The following ANKFN1 variants were observed in gnomAD, a reference collection of about 807,000 sequenced individuals.
ANKFN1 encodes the protein ankyrin repeat and fibronectin type III domain containing 1, also known as ankyrin repeat and fibronectin type-III domain-containing protein 1.
In ANKFN1, 74 loss-of-function variants were observed where a neutral mutation model predicts 108.7. The observed-to-expected ratio is 0.68, with a 90% CI of 0.56 to 0.83. ANKFN1 has a LOEUF of 0.83. Ranked by LOEUF, ANKFN1 falls within the 40% of genes least tolerant of loss-of-function variation. The probability of loss-of-function intolerance (pLI) is 0.00; values close to 1 mark genes in which losing one functional copy is unlikely to be tolerated. For missense variants in ANKFN1, 1,505 were observed against 1,382.3 expected, an observed-to-expected ratio of 1.09 and a Z score of -1.41; for synonymous variants, 547 against 516.2, an observed-to-expected ratio of 1.06 and a Z score of -0.81.
At chr17:56,431,234 T>C (rs1332435424) in intron 8 of ANKFN1, among the ~76,000 whole-genome samples, 1 of 152,196 alleles carries the variant, frequency 6.6e-6, no homozygotes, top group African/African-American at 2.4e-5. Flanking sequence ...TTCCCAGTTA[T>C]GCCACTTGTT....
rs563078153 is a variant in ANKFN1, at chr17:56,081,774, G to C, written c.288+35449G>C. On this transcript the variant is annotated intron_variant, in intron 4 of 12. Transcript: ENST00000635860. ...CTGCTAGCATTTAGGAGGTAAGCAA[G>C]CACAGTGCGTTTAGGAGGTGAGCAA... 6.6e-5 allele frequency among the ~76,000 whole-genome samples: 10 copies of C among 152,286 alleles called. No individual in the cohort carries two copies. In the East Asian group the frequency reaches 1.9e-3, roughly 29 times the overall value.
intron 4 of ANKFN1, among the ~76,000 whole-genome samples, chr17:56,064,906 AG>A (rs1417536588): frequency 6.6e-6 from 1 of 152,118 alleles, no homozygotes; most frequent in African/African-American, 2.4e-5. Context: ...CTGTGGAAAA[AG>A]CATGGTTTCC....
At chr17:56,487,287 G>A (rs539085762) in intron 18 of ANKFN1, among the ~76,000 whole-genome samples, 1 of 152,210 alleles carries the variant, frequency 6.6e-6, no homozygotes, top group African/African-American at 2.4e-5. Context: ...TGTTCCTGGG[G>A]TCCTACAAGC....
intron 1 of ANKFN1, among the ~76,000 whole-genome samples, chr17:56,165,877 C>T (rs1160973019): frequency 6.6e-6 from 1 of 152,154 alleles, no homozygotes; most frequent in East Asian, 1.9e-4. Context: ...AAATCACACT[C>T]ATCCATCCTT....
intron 4 of ANKFN1, among the ~76,000 whole-genome samples, chr17:56,049,854 G>A (rs1396338554): frequency 4.7e-5 from 7 of 150,398 alleles, no homozygotes; most frequent in South Asian, 2.1e-4. Context: ...ATAAACATAC[G>A]TGTGCATGTG....
At chr17:56,127,879 C>T (rs1907031534) in intron 4 of ANKFN1, among the ~76,000 whole-genome samples, 2 of 152,194 alleles carry the variant, frequency 1.3e-5, no homozygotes, top group African/African-American at 4.8e-5. Context: ...CCATCAGCCT[C>T]CAAAGATGTT....
chr17:56,338,681 G>T (rs566658058), intron 4 of ANKFN1, among the ~76,000 whole-genome samples: 7 of 151,676 alleles, frequency 4.6e-5, no homozygotes, highest in African/African-American at 1.7e-4. Context: ...AAAGAGTACC[G>T]TTGCTATCCA....
intron 3 of ANKFN1, among the ~76,000 whole-genome samples, chr17:56,240,767 C>A (rs1917522666): frequency 6.6e-6 from 1 of 151,966 alleles, no homozygotes; most frequent in African/African-American, 2.4e-5. Flanking sequence ...TTTTCAATTC[C>A]CAAATTTCTA....
chr17:56,058,679 A>G (rs1904922503), intron 4 of ANKFN1, among the ~76,000 whole-genome samples: 1 of 152,044 alleles, frequency 6.6e-6, no homozygotes, highest in Non-Finnish European at 1.5e-5. Flanking sequence ...GTGAAACCAT[A>G]CAGTGTTTGG....
At chr17:56,477,069 TACA>T (rs1386977828) in intron 15 of ANKFN1, among the ~76,000 whole-genome samples, 5 of 152,332 alleles carry the variant, frequency 3.3e-5, no homozygotes, top group African/African-American at 1.2e-4. Context: ...ATCCAGAAAT[TACA>T]ACGCTTCCTT....
chr17:56,093,893 C>A (rs1013903035), intron 4 of ANKFN1, among the ~76,000 whole-genome samples: 4 of 151,260 alleles, frequency 2.6e-5, no homozygotes, highest in Non-Finnish European at 5.9e-5. Context: ...ATCCCCAATA[C>A]CTCAGAATGT....
intron 3 of ANKFN1, among the ~76,000 whole-genome samples, chr17:56,313,621 C>A (rs952193187): frequency 2.6e-5 from 4 of 152,174 alleles, no homozygotes; most frequent in African/African-American, 9.7e-5. Flanking sequence ...AAATACCCAT[C>A]CCCATATGCC....
At chr17:56,404,716 G>T (rs1279513391) in intron 8 of ANKFN1, among the ~76,000 whole-genome samples, 2 of 151,716 alleles carry the variant, frequency 1.3e-5, no homozygotes, top group African/African-American at 2.4e-5. Flanking sequence ...GTGTGATTTT[G>T]GGGGGTATGG....
At chr17:56,345,927 A>G (rs962804673) in intron 4 of ANKFN1, among the ~76,000 whole-genome samples, 3 of 151,712 alleles carry the variant, frequency 2.0e-5, no homozygotes, top group Admixed American at 2.0e-4. Context: ...CTTTTTTTGC[A>G]ATTGCTTTTC....
At chr17:56,139,332 A>G (rs896485194) in intron 4 of ANKFN1, among the ~76,000 whole-genome samples, 1 of 152,188 alleles carries the variant, frequency 6.6e-6, no homozygotes, top group Non-Finnish European at 1.5e-5. Flanking sequence ...CTACTCCCAA[A>G]CATAGCACTT....
intron 4 of ANKFN1, among the ~76,000 whole-genome samples, chr17:56,061,032 A>G (rs185996383): frequency 6.6e-6 from 1 of 152,198 alleles, no homozygotes; most frequent in African/African-American, 2.4e-5. Context: ...TTGTACCTCT[A>G]GAAGGATTTG....
chr17:56,274,442 C>T (rs2043868030), intron 3 of ANKFN1, among the ~76,000 whole-genome samples: 1 of 152,086 alleles, frequency 6.6e-6, no homozygotes, highest in South Asian at 2.1e-4. Context: ...CACTACACTC[C>T]AGCCTGGGCG....
chr17:56,065,804 AT>A (rs144519982), intron 4 of ANKFN1, among the ~76,000 whole-genome samples: 7,879 of 152,292 alleles, frequency 0.052, 282 homozygotes, highest in African/African-American at 0.099. Context: ...ACCATAACAG[AT>A]ACAGTAATAA....
intron 8 of ANKFN1, among the ~76,000 whole-genome samples, chr17:56,435,128 T>C (rs144129835): frequency 8.5e-5 from 13 of 152,296 alleles, no homozygotes; most frequent in African/African-American, 3.1e-4. Context: ...CATTCTCCTT[T>C]TGACTTTTTT....
Sources: allele counts gnomAD v4.1 joint callset (sites outside exome capture counted in the v4.1 genomes callset), GRCh38; gene constraint gnomAD v4.1.1; transcripts MANE v1.5; gene names NCBI Gene and HGNC (gene_info 2026-07-23, HGNC 2026-07-21).